GARNL3: variants seen among roughly 807,000 people sequenced by gnomAD.
GARNL3 encodes the protein GTPase-activating Rap/Ran-GAP domain-like protein 3.
Under a neutral mutation model 125.0 loss-of-function variants are expected in GARNL3, and 63 were observed. The observed-to-expected ratio is 0.50, with a 90% CI of 0.41 to 0.62. GARNL3 has a LOEUF of 0.62. GARNL3 is among the 20% of genes least tolerant of loss of function. GARNL3 has a pLI of 0.00. For missense variants in GARNL3, 994 were observed against 1,244.0 expected (o/e 0.80, Z 3.02); for synonymous variants, 439 against 457.5 (o/e 0.96, Z 0.52).
At chr9:127,264,717 C>G (rs909058594), upstream of GARNL3, 2 of 1,244,792 alleles carry the variant, frequency 1.6e-6, no homozygotes, top group African/African-American at 1.6e-5. Context: ...GAATCATTGC[C>G]TATACTTCCA....
At chr9:127,231,228 G>GTTTTTTTTTTTT (rs34963289) in intron 1 of GARNL3, among the ~76,000 whole-genome samples, 154 of 100,450 alleles carry the variant, frequency 1.5e-3, no homozygotes, top group African/African-American at 1.9e-3. Flanking sequence ...CTAATTTTTT[G>GTTTTTTTTTTTT]TTTTTTTTTT....
Position 127,234,508 on chromosome 9 carries a change from C to T in GARNL3, c.-28-8571C>T, listed in dbSNP as rs78876982. Among the ~76,000 whole-genome samples the T allele has an allele frequency of 5.7e-3, 861 of 152,138 alleles. 22 individuals are homozygous for T. The East Asian group carries it at 0.086, about 15-fold the overall frequency. Reference sequence around the variant, plus strand: ...GTAGAGATGTGGGAAAATAGAAACCCCACATCTAGTTGTCTCTAGAGCTAG... The same window carrying T: ...GTAGAGATGTGGGAAAATAGAAACCTCACATCTAGTTGTCTCTAGAGCTAG... On this transcript the variant is annotated intron_variant, in intron 1 of 10. Coordinates refer to the GARNL3 transcript ENST00000439286.
chr9:127,310,508 G>T (rs577614840), intron 2 of GARNL3, among the ~76,000 whole-genome samples: 3 of 152,108 alleles, frequency 2.0e-5, no homozygotes, highest in Non-Finnish European at 4.4e-5. Context: ...CAGGCCAGGC[G>T]TAGTGGCTCA....
intron 2 of GARNL3, among the ~76,000 whole-genome samples, chr9:127,303,837 A>C (rs372326284): frequency 1.2e-4 from 19 of 152,286 alleles, no homozygotes; most frequent in South Asian, 6.2e-4. Context: ...GGCCAGATTC[A>C]GTCTTCCTCC....
intron 2 of GARNL3, among the ~76,000 whole-genome samples, chr9:127,306,976 G>A (rs2064975008): frequency 6.6e-6 from 1 of 151,964 alleles, no homozygotes; most frequent in African/African-American, 2.4e-5. Flanking sequence ...TTTGAAAAGT[G>A]AAGAGTGTAA....
At chr9:127,306,574 A>G (rs958501069) in intron 2 of GARNL3, among the ~76,000 whole-genome samples, 1 of 152,172 alleles carries the variant, frequency 6.6e-6, no homozygotes, top group Admixed American at 6.5e-5. Context: ...AAAAATACAA[A>G]AAATTAGCCG....
At chr9:127,382,375 G>T (rs1157395780) in intron 22 of GARNL3, among the ~76,000 whole-genome samples, 1 of 152,072 alleles carries the variant, frequency 6.6e-6, no homozygotes, top group Non-Finnish European at 1.5e-5. Flanking sequence ...ATGATGGTTT[G>T]GGAGGCTGAG....
At chr9:127,345,542 A>G (rs994600121) in intron 16 of GARNL3, 65 bp downstream of exon 16, 4 of 1,069,540 alleles carry the variant, frequency 3.7e-6, no homozygotes, top group Non-Finnish European at 5.6e-6. Context: ...AATGATTGAG[A>G]TTATTGGAAA....
At chr9:127,298,904 G>A (rs1204418345) in intron 2 of GARNL3, among the ~76,000 whole-genome samples, 1 of 152,196 alleles carries the variant, frequency 6.6e-6, no homozygotes, top group Non-Finnish European at 1.5e-5. Context: ...TATTACTGGT[G>A]AGGAAGCCAA....
chr9:127,273,766 C>T (rs1037577815), intron 1 of GARNL3, among the ~76,000 whole-genome samples: 1 of 152,158 alleles, frequency 6.6e-6, no homozygotes, highest in Non-Finnish European at 1.5e-5. Flanking sequence ...AAATTTTTCT[C>T]AGGACCAAAA....
chr9:127,391,524 C>CAAAAAAAAAAAA (rs763160611), intron 27 of GARNL3, among the ~76,000 whole-genome samples: 17 of 70,470 alleles, frequency 2.4e-4, no homozygotes, highest in East Asian at 2.2e-3. Context: ...CCCATCTCTA[C>CAAAAAAAAAAAA]AAAAAAAAAA....
chr9:127,309,213 C>G (rs576248392), intron 2 of GARNL3, among the ~76,000 whole-genome samples: 1 of 152,176 alleles, frequency 6.6e-6, no homozygotes, highest in East Asian at 1.9e-4. Flanking sequence ...AAAGAAGAAA[C>G]CTCTGGAATT....
At position 127,308,729 on chromosome 9, in the gene GARNL3, GTTAGAC is replaced by G. The variant is rs375398677; in HGVS notation, c.220-2901_220-2896del. Among the ~76,000 whole-genome samples the G allele has an allele frequency of 2.6e-5, 4 of 152,192 alleles. No homozygotes were observed. In the East Asian group the frequency reaches 5.8e-4, roughly 22 times the overall value. ...ACATTAGAATACAGATGGCATCAAT[GTTAGAC>G]TTAGAAAAGTTGATAAAGCTCTACT... On this transcript the variant is annotated intron_variant, in intron 2 of 27. Transcript: ENST00000373387.
chr9:127,265,075 A>C, intron 1 of GARNL3, 54 bp downstream of exon 1: 1 of 1,470,938 alleles, frequency 6.8e-7, no homozygotes, highest in Non-Finnish European at 9.3e-7. Context: ...TTTAGAGACG[A>C]TTGCCAAGCT....
Position 127,342,394 on chromosome 9 carries a change from C to A in GARNL3, c.1251+60C>A. On this transcript the variant is annotated intron_variant, in intron 14 of 27. Transcript: ENST00000373387. ...TGGGGTCTGAGTTGAGAACACAAGT[C>A]CTCAACTCAGCGATGAGGCCCTGGT... 2.7e-6 allele frequency: 3 copies of A among 1,116,602 alleles called. No individual in the cohort carries two copies. In the South Asian group the frequency reaches 3.8e-5, roughly 14 times the overall value. The allele number at this position is 1,116,602 out of a possible 1,614,324, so 69.2% of individuals were successfully genotyped here. A position where few individuals can be genotyped will look rare whatever the true frequency, so the allele number is the denominator to read the frequency against.
chr9:127,300,240 A>G (rs541215265), intron 2 of GARNL3: 75 of 293,656 alleles, frequency 2.6e-4, no homozygotes, highest in Admixed American at 4.4e-4. Flanking sequence ...ATTTTTGAGC[A>G]AAAAATCTTT....
intron 20 of GARNL3, 81 bp downstream of exon 20, chr9:127,355,553 C>A: frequency 7.4e-7 from 1 of 1,352,456 alleles, no homozygotes; most frequent in Non-Finnish European, 1.1e-6. Context: ...GAGTTTGTTA[C>A]CCACTGAGGT....
intron 22 of GARNL3, among the ~76,000 whole-genome samples, chr9:127,375,597 G>A (rs1588960697): frequency 6.6e-6 from 1 of 152,280 alleles, no homozygotes; most frequent in East Asian, 1.9e-4. Context: ...TGTCCATTGT[G>A]GAGGTTTTAA....
chr9:127,312,037 A>G (rs1393775485), intron 3 of GARNL3, among the ~76,000 whole-genome samples: 2 of 152,214 alleles, frequency 1.3e-5, no homozygotes, highest in African/African-American at 4.8e-5. Context: ...GGGTGGAAAA[A>G]CAACTTTAGA....
Sources: allele counts gnomAD v4.1 joint callset (sites outside exome capture counted in the v4.1 genomes callset), GRCh38; gene constraint gnomAD v4.1.1; transcripts MANE v1.5; gene names NCBI Gene and HGNC (gene_info 2026-07-23, HGNC 2026-07-21).